Variants in DCX observed in about 807,000 individuals in gnomAD.
DCX encodes doublecortin, also known as neuronal migration protein doublecortin.
A neutral mutation model predicts 20.9 loss-of-function variants in DCX; 4 were observed. That is an observed-to-expected ratio of 0.19 (90% CI 0.09 to 0.44). The LOEUF (loss-of-function observed/expected upper bound fraction) is 0.44. DCX is among the 20% of genes least tolerant of loss of function. The probability of loss-of-function intolerance (pLI) is 0.99; values close to 1 mark genes in which losing one functional copy is unlikely to be tolerated. For synonymous variants in DCX, 103 were observed against 111.4 expected, an observed-to-expected ratio of 0.92 and a Z score of 0.47; for missense variants, 133 against 296.9, an observed-to-expected ratio of 0.45 and a Z score of 4.06.
intron 2 of DCX, among the ~76,000 whole-genome samples, chrX:111,407,659 G>A (rs1204528968): frequency 9.0e-6 from 1 of 111,205 alleles, no homozygotes. Flanking sequence ...ACTGCACCCA[G>A]GAGTGACAGA....
At chrX:111,387,771 T>C (rs1290266362) in intron 3 of DCX, among the ~76,000 whole-genome samples, 2 of 111,602 alleles carry the variant, frequency 1.8e-5, no homozygotes, top group African/African-American at 6.5e-5. Flanking sequence ...CACAAGTGTG[T>C]GTATGCAGAC....
At chrX:111,403,613 G>C (rs1221378490) in intron 2 of DCX, among the ~76,000 whole-genome samples, 1 of 111,972 alleles carries the variant, frequency 8.9e-6, no homozygotes, top group East Asian at 2.8e-4. Flanking sequence ...TGTCAGTCAG[G>C]ATGGGGTCCC....
At chrX:111,407,560 T>C (rs1471101673) in intron 2 of DCX, among the ~76,000 whole-genome samples, 1 of 111,533 alleles carries the variant, frequency 9.0e-6, no homozygotes, top group Admixed American at 9.5e-5. Flanking sequence ...TGAGGTCCAC[T>C]GTGCCTTGTA....
At chrX:111,393,584 G>A (rs1416541443) in intron 3 of DCX, among the ~76,000 whole-genome samples, 1 of 111,716 alleles carries the variant, frequency 9.0e-6, no homozygotes. Flanking sequence ...AATCACATAT[G>A]TGACAAAGGA....
chrX:111,409,917 A>G (rs1354079975), intron 2 of DCX, 118 bp downstream of exon 2: 4 of 986,758 alleles, frequency 4.1e-6, no homozygotes, highest in Non-Finnish European at 4.3e-6. Flanking sequence ...TTGAGCATCA[A>G]TCAACCCGGT....
intron 2 of DCX, 30 bp from the exon 3 acceptor site, chrX:111,401,360 T>C: frequency 9.0e-7 from 1 of 1,107,654 alleles, no homozygotes; most frequent in South Asian, 1.8e-5. Context: ...ATTAGGTGAT[T>C]AGTTTAATAG....
chrX:111,378,967 C>T (rs1402766907), intron 3 of DCX, among the ~76,000 whole-genome samples: 1 of 111,694 alleles, frequency 9.0e-6, no homozygotes, highest in Non-Finnish European at 1.9e-5. Flanking sequence ...CAGTCTTCCT[C>T]CCTTCTGGGA....
chrX:111,327,134 A>G, intron 5 of DCX, among the ~76,000 whole-genome samples: 1 of 111,986 alleles, frequency 8.9e-6, no homozygotes, highest in South Asian at 3.7e-4. Context: ...TTTTGTCTTC[A>G]AAGGAAGACA....
intron 5 of DCX, among the ~76,000 whole-genome samples, chrX:111,330,556 G>A (rs1212121620): frequency 9.0e-6 from 1 of 111,499 alleles, no homozygotes; most frequent in African/African-American, 3.3e-5. Context: ...TCTTTTTCTT[G>A]ATTCTGATTT....
At chrX:111,377,756 ACTTC>A (rs899261136) in intron 3 of DCX, among the ~76,000 whole-genome samples, 3 of 110,919 alleles carry the variant, frequency 2.7e-5, no homozygotes, top group African/African-American at 6.6e-5. Flanking sequence ...TGATTGGTCC[ACTTC>A]CTTCCTTTCC....
rs745543629 is a variant in DCX, at chrX:111,410,728, A to T, written c.-22-308T>A. ...AGACAGAGGAGAAGGGGAGATTTTG[A>T]AATAGCTGAAAATCCTGAGACTTAC... On this transcript the variant is annotated intron_variant, in intron 1 of 6. Coordinates refer to ENST00000636035, the MANE Select transcript of DCX (RefSeq NM_001195553.2). 43 of 1,141,811 alleles carry T rather than the reference A, an allele frequency of 3.8e-5. No individual in the cohort carries two copies. The South Asian group carries it at 7.7e-4, about 20-fold the overall frequency. 94.1% of individuals were successfully genotyped at this position (1,141,811 alleles called of 1,213,427 possible).
chrX:111,368,901 T>TATATACACACACACACACACAC (rs1467693516), intron 3 of DCX, among the ~76,000 whole-genome samples: 6 of 98,265 alleles, frequency 6.1e-5, no homozygotes, highest in African/African-American at 2.3e-4. Context: ...TATATATACA[T>TATATACACACACACACACACAC]ACACACACAC....
intron 3 of DCX, among the ~76,000 whole-genome samples, chrX:111,338,696 C>CTT (rs200133621): frequency 8.5e-5 from 8 of 94,193 alleles, no homozygotes; most frequent in African/African-American, 2.7e-4. Context: ...TCTGTAGTGC[C>CTT]TTTTTTTTTT....
rs192319284 is a variant in DCX at position 111,374,016 on chromosome X, A to C, written c.705+26974T>G. On this transcript the variant is annotated intron_variant, in intron 3 of 6. Coordinates refer to ENST00000636035, the MANE Select transcript of DCX (RefSeq NM_001195553.2). ...GTCTTAGACAAGTCCAAGCTCCTTA[A>C]AATAACAGCTATGGGCTCCCTGAAT... 1.4e-4 allele frequency among the ~76,000 whole-genome samples: 16 copies of C among 112,235 alleles called. No homozygotes were observed. In the East Asian group the frequency reaches 3.7e-3, roughly 26 times the overall value.
chrX:111,301,807 T>A (rs1345889855), intron 6 of DCX, 64 bp from the exon 7 acceptor site: 1 of 1,033,918 alleles, frequency 9.7e-7, no homozygotes, highest in Non-Finnish European at 1.4e-6. Flanking sequence ...CTGGAATGTC[T>A]GCTTTAGTTT....
At chrX:111,360,110 TCC>T (rs1924082354) in intron 3 of DCX, among the ~76,000 whole-genome samples, 1 of 111,916 alleles carries the variant, frequency 8.9e-6, no homozygotes, top group Non-Finnish European at 1.9e-5. Context: ...CTACAATATA[TCC>T]ATACTATAGA....
intron 3 of DCX, among the ~76,000 whole-genome samples, chrX:111,355,939 A>G (rs1439487695): frequency 8.9e-6 from 1 of 111,891 alleles, no homozygotes; most frequent in African/African-American, 3.3e-5. Context: ...AATACTGTTG[A>G]AAGGTCCGAG....
rs1463024461 is a variant in DCX at position 111,293,958 on chromosome X, A to C, written c.*7729T>G. 8.9e-6 allele frequency: 1 copy of C among 112,011 alleles called. No individual in the cohort carries two copies. The highest frequency in any genetic ancestry group is 1.9e-5 in the Non-Finnish European group (1 of 53,173). 9.2% of individuals were successfully genotyped at this position (112,011 alleles called of 1,213,427 possible). On this transcript the variant is annotated 3_prime_UTR_variant, in exon 7 of 7. Coordinates refer to ENST00000636035, the MANE Select transcript of DCX (RefSeq NM_001195553.2). ...GCACTCACAGTTCACAGCACCTTAC[A>C]CACATGGCAAACTTCTCTAGACAAC...
intron 5 of DCX, among the ~76,000 whole-genome samples, chrX:111,321,662 G>A (rs887289213): frequency 9.0e-6 from 1 of 111,283 alleles, no homozygotes; most frequent in Non-Finnish European, 1.9e-5. Context: ...ACAGAGTGGG[G>A]TCACTAGCCA....
Sources: gnomAD v4.1 joint callset for allele counts (sites outside exome capture counted in the v4.1 genomes callset) on GRCh38, gnomAD v4.1.1 for gene constraint, MANE v1.5 for transcripts, NCBI Gene and HGNC (gene_info 2026-07-23, HGNC 2026-07-21) for gene names.